The following FNIP2 variants were observed in gnomAD, a reference collection of about 807,000 sequenced individuals.
FNIP2 encodes the protein folliculin-interacting protein 2.
A neutral mutation model predicts 108.7 loss-of-function variants in FNIP2; 32 were observed. The observed-to-expected ratio is 0.29, with a 90% confidence interval of 0.22 to 0.40. The LOEUF is 0.40. Ranked by LOEUF, FNIP2 falls within the 10% of genes least tolerant of loss-of-function variation. The pLI is 1.00. For missense variants in FNIP2, 1,202 were observed against 1,381.6 expected (o/e 0.87, Z 2.06); for synonymous variants, 480 against 496.7 (o/e 0.97, Z 0.45).
chr4:158,830,298 C>G (rs1778402407), intron 3 of FNIP2, among the ~76,000 whole-genome samples: 1 of 137,858 alleles, frequency 7.3e-6, no homozygotes, highest in Non-Finnish European at 1.5e-5. Flanking sequence ...CTCTGTCGCC[C>G]AGGCCGGACT....
Position 158,769,245 on chromosome 4 carries a change from C to G in FNIP2, c.33C>G (p.Asn11Lys). MAPTLLQKLF[N>K]KRGSSGSSAA... ...CGACCCTGCTCCAGAAGCTCTTCAA[C>G]AAAAGGGGCAGCAGCGGCAGCTCCG... Residue 11 changes from asparagine (N) to lysine (K), a missense_variant, in exon 1 of 17, where the codon AAC becomes AAG. By Grantham distance (94) the Asn-to-Lys change is moderately conservative. Transcript: ENST00000264433. 3.3e-6 allele frequency: 5 copies of G among 1,534,642 alleles called. No individual in the cohort carries two copies. The highest frequency in any genetic ancestry group is 4.4e-6 in the Non-Finnish European group (5 of 1,145,082).
chr4:158,828,468 T>A (rs747693296), intron 2 of FNIP2, among the ~76,000 whole-genome samples: 6 of 152,036 alleles, frequency 3.9e-5, no homozygotes, highest in Non-Finnish European at 7.4e-5. Flanking sequence ...ACAAAAAAAT[T>A]AGCTGGGCGT....
At chr4:158,807,292 G>T (rs1777021171) in intron 1 of FNIP2, among the ~76,000 whole-genome samples, 1 of 152,134 alleles carries the variant, frequency 6.6e-6, no homozygotes. Flanking sequence ...GAGCCTAGGA[G>T]TTCAAGACTA....
chr4:158,822,665 T>G (rs1478447106), intron 1 of FNIP2, among the ~76,000 whole-genome samples: 1 of 152,152 alleles, frequency 6.6e-6, no homozygotes, highest in East Asian at 1.9e-4. Context: ...AACCAGCTAA[T>G]TTTTAAAAAA....
chr4:158,859,589 C>A lies in FNIP2; in HGVS notation c.1071C>A (p.Ser357=). The change falls in exon 10 of 17, where the codon TCC becomes TCA. Residue 357 remains serine, a synonymous_variant. Coordinates refer to ENST00000264433, the MANE Select transcript of FNIP2 (RefSeq NM_020840.3). The stretch of plus-strand genomic sequence containing the variant: ...TCTCTTCAATAAAGGCTATGATCTC[C>A]TGTAGGAAAATAGCAGAATCAAGTC... The part of the protein sequence containing the change: ...LKSAIEKAMI[S]CRKIAESSLR... 1 of 1,612,924 alleles carries A rather than the reference C, an allele frequency of 6.2e-7. No individual in the cohort carries two copies. Among genetic ancestry groups the A allele is most frequent in the Non-Finnish European group, 8.5e-7 (1 of 1,179,344 alleles).
chr4:158,855,348 G>T (rs539648166), intron 8 of FNIP2, among the ~76,000 whole-genome samples: 1 of 152,330 alleles, frequency 6.6e-6, no homozygotes, highest in Admixed American at 6.5e-5. Context: ...GACGCTGTGC[G>T]TGTGGGGTCG....
In FNIP2 at chr4:158,868,068, G is replaced by C. The variant is rs1197959163; in HGVS notation, c.1466-34G>C. 3.1e-6 allele frequency: 5 copies of C among 1,604,712 alleles called. No individual in the cohort carries two copies. Among genetic ancestry groups the C allele is most frequent in the Non-Finnish European group, 4.3e-6 (5 of 1,173,960 alleles). On this transcript the variant is annotated intron_variant, in intron 12 of 16. Coordinates refer to ENST00000264433, the MANE Select transcript of FNIP2 (RefSeq NM_020840.3). This position sits in a 1 kb window ranked among gnomAD's most constrained non-coding sequence, Gnocchi z 4.6. ...ATATCTGTGACATGCTAACCCCAGA[G>C]ACCACTGCCTTTGTGTCCACCTTTG...
chr4:158,868,736 C>T lies in FNIP2; in HGVS notation c.2100C>T (p.Ala700=). 3.7e-6 allele frequency: 6 copies of T among 1,613,978 alleles called. No individual in the cohort carries two copies. Among genetic ancestry groups the T allele is most frequent in the Non-Finnish European group, 5.1e-6 (6 of 1,179,902 alleles). ...MPTRLPDRSV[A]WPCPDRHLRE... The stretch of plus-strand genomic sequence containing the variant: ...CAAGACTGCCAGACCGGTCAGTGGC[C>T]TGGCCTTGCCCTGACAGACATCTCC... Residue 700 remains alanine (A), a synonymous_variant, in exon 13 of 17, where the codon GCC becomes GCT. Transcript: ENST00000264433. The surrounding 1 kb of genome is among the most constrained non-coding windows in gnomAD (Gnocchi z 4.6).
chr4:158,867,251 G>C (rs1341948037), intron 12 of FNIP2, among the ~76,000 whole-genome samples: 1 of 152,174 alleles, frequency 6.6e-6, no homozygotes, highest in African/African-American at 2.4e-5. Context: ...GGAGTGCAGT[G>C]GTGCCATCTC....
Position 158,879,281 on chromosome 4 carries a change from CAG to C in FNIP2, c.2949+8813_2949+8814del, listed in dbSNP as rs776633607. ...GAGAAGAAGACATGGCATCTGTCCT[CAG>C]GGAGTTTGCGATCTAACAGGAAATA... On this transcript the variant is annotated intron_variant, in intron 14 of 16. Coordinates refer to ENST00000264433, the MANE Select transcript of FNIP2 (RefSeq NM_020840.3). 3.3e-5 allele frequency among the ~76,000 whole-genome samples: 5 copies of C among 150,448 alleles called. 1 individual carries two copies. Among genetic ancestry groups the C allele is most frequent in the Non-Finnish European group, 7.4e-5 (5 of 67,816 alleles).
In FNIP2 at chr4:158,891,537, A is replaced by C; in HGVS notation, c.3041A>C (p.Lys1014Thr). 1 of 1,611,392 alleles carries C rather than the reference A, an allele frequency of 6.2e-7. No individual in the cohort carries two copies. Among genetic ancestry groups the C allele is most frequent in the Middle Eastern group, 1.7e-4 (1 of 6,060 alleles). The change falls in exon 15 of 17, where the codon AAA (lysine) becomes ACA (threonine). Residue 1014 changes from lysine (K) to threonine (T), a missense_variant. By Grantham distance (78) the Lys-to-Thr change is moderately conservative (BLOSUM62 -1). Transcript: ENST00000264433. ...WSVQVATSQR[K>T]VTDNMKLGQD... Reference sequence around the variant, plus strand: ...GTGCAGGTAGCTACAAGTCAGAGGAAAGTGACGGACAACATGAAACTAGGC... The same window carrying C: ...GTGCAGGTAGCTACAAGTCAGAGGACAGTGACGGACAACATGAAACTAGGC...
intron 1 of FNIP2, among the ~76,000 whole-genome samples, chr4:158,822,175 T>TC (rs1491272794): frequency 1.5e-5 from 1 of 67,348 alleles, no homozygotes; most frequent in Admixed American, 1.4e-4. Context: ...AGTTTTCCTC[T>TC]TTTTTTTTTT....
chr4:158,897,796 C>A (rs150624213), intron 16 of FNIP2, among the ~76,000 whole-genome samples: 1,552 of 152,278 alleles, frequency 0.01, 11 homozygotes, highest in Non-Finnish European at 0.013. Flanking sequence ...GTTGCCTGCT[C>A]ACTCTGATGA....
In FNIP2 at chr4:158,904,723, C is replaced by T. The variant is rs1729677543; in HGVS notation, c.*179C>T. 1.0e-5 allele frequency: 6 copies of T among 593,982 alleles called. No individual in the cohort carries two copies. In the Admixed American group the frequency reaches 1.5e-4, roughly 15 times the overall value. 36.8% of individuals were successfully genotyped at this position (593,982 alleles called of 1,614,324 possible). On this transcript the variant is annotated 3_prime_UTR_variant, in exon 17 of 17. Coordinates refer to ENST00000264433, the MANE Select transcript of FNIP2 (RefSeq NM_020840.3). ...ATGCTTCATTGAAGACTTAGGTTTA[C>T]TTGACATAATAGCATTTGTGATTGT...
At chr4:158,779,239 T>C (rs1292358282) in intron 1 of FNIP2, among the ~76,000 whole-genome samples, 1 of 152,148 alleles carries the variant, frequency 6.6e-6, no homozygotes, top group African/African-American at 2.4e-5. Context: ...AAAAAACAAA[T>C]GTTTGTGCAC....
chr4:158,835,518 T>C (rs1294459094), intron 7 of FNIP2, 42 bp downstream of exon 7: 5 of 1,564,366 alleles, frequency 3.2e-6, no homozygotes, highest in Non-Finnish European at 4.4e-6. Flanking sequence ...CAGAGTGAAC[T>C]ATCTACAGTG....
At chr4:158,783,737 G>A (rs2126430505) in intron 1 of FNIP2, among the ~76,000 whole-genome samples, 1 of 152,278 alleles carries the variant, frequency 6.6e-6, no homozygotes, top group Non-Finnish European at 1.5e-5. Flanking sequence ...ATTGCTCTAG[G>A]CTCTAGGTGG....
chr4:158,887,736 CAAAAAAAA>C (rs10645281), intron 14 of FNIP2, among the ~76,000 whole-genome samples: 4 of 78,802 alleles, frequency 5.1e-5, no homozygotes, highest in African/African-American at 2.1e-4. Flanking sequence ...GACTCTGTCT[CAAAAAAAA>C]AAAAAAAAAA....
intron 14 of FNIP2, among the ~76,000 whole-genome samples, chr4:158,882,859 C>T (rs577036202): frequency 3.3e-5 from 5 of 152,250 alleles, no homozygotes; most frequent in East Asian, 1.9e-4. Context: ...ACAAATACTG[C>T]GGAAGGCCGC....
Sources: gnomAD v4.1 joint callset for allele counts (sites outside exome capture counted in the v4.1 genomes callset) on GRCh38, gnomAD v4.1.1 for gene constraint, Gnocchi (gnomAD v3.1) non-coding constraint, MANE v1.5 for transcripts, NCBI Gene and HGNC (gene_info 2026-07-23, HGNC 2026-07-21) for gene names.